The following ERC2 variants were observed in gnomAD, a reference collection of about 807,000 sequenced individuals.
The protein encoded by ERC2 is ELKS/RAB6-interacting/CAST family member 2.
A neutral mutation model predicts 114.8 loss-of-function variants in ERC2; 42 were observed. That is an observed-to-expected ratio of 0.37 (90% CI 0.29 to 0.47). ERC2 has a LOEUF of 0.47. Among genes scored for constraint, ERC2 ranks in the 20% least tolerant of loss-of-function variants. The pLI is 0.99. For synonymous variants in ERC2, 454 were observed against 425.5 expected (o/e 1.07, Z -0.82); for missense variants, 939 against 1,150.7 (o/e 0.82, Z 2.66).
intron 3 of ERC2, among the ~76,000 whole-genome samples, chr3:56,272,990 T>C (rs780029053): frequency 6.6e-6 from 1 of 152,166 alleles, no homozygotes; most frequent in Non-Finnish European, 1.5e-5. Flanking sequence ...GCAATAACCA[T>C]GTTAACCACT....
chr3:56,297,392 T>C (rs925838396), intron 2 of ERC2, among the ~76,000 whole-genome samples: 4 of 152,152 alleles, frequency 2.6e-5, no homozygotes, highest in African/African-American at 2.4e-5. Context: ...CAGAAAGTCT[T>C]GAAAGTATTA....
intron 13 of ERC2, among the ~76,000 whole-genome samples, chr3:55,928,079 A>G (rs1164458304): frequency 6.6e-6 from 1 of 152,142 alleles, no homozygotes. Context: ...AGTAGTGTAG[A>G]TATCTCTTTG....
Position 55,727,366 on chromosome 3 carries a change from G to A in ERC2, c.2712+7405C>T, listed in dbSNP as rs550992526. Among the ~76,000 whole-genome samples the A allele has an allele frequency of 1.6e-3, 236 of 152,140 alleles. 3 individuals carry two copies. Among genetic ancestry groups the A allele is most frequent in the South Asian group, 0.015 (72 of 4,806 alleles). ...AAAGAAGCGAAGTAAAAGTATCAGA[G>A]GTATGTGCCTGTAAAGAAACAGAAG... On this transcript the variant is annotated intron_variant, in intron 15 of 17. Coordinates refer to ENST00000288221, the MANE Select transcript of ERC2 (RefSeq NM_015576.3).
chr3:56,168,759 C>T (rs1341484890), intron 4 of ERC2, among the ~76,000 whole-genome samples: 1 of 152,204 alleles, frequency 6.6e-6, no homozygotes, highest in South Asian at 2.1e-4. Context: ...AACCCAGCTG[C>T]AGGTCAGCTC....
chr3:56,196,469 C>A (rs996422405), intron 3 of ERC2, among the ~76,000 whole-genome samples: 1 of 150,534 alleles, frequency 6.6e-6, no homozygotes, highest in Non-Finnish European at 1.5e-5. Context: ...TGCTGAGTCA[C>A]AGGACAGATG....
chr3:55,575,037 G>A (rs1275624333), intron 17 of ERC2, among the ~76,000 whole-genome samples: 3 of 152,034 alleles, frequency 2.0e-5, no homozygotes, highest in Non-Finnish European at 2.9e-5. Context: ...TTTCTGAGAC[G>A]GAATGTTGCC....
intron 12 of ERC2, among the ~76,000 whole-genome samples, chr3:55,956,212 A>G (rs1408150602): frequency 1.3e-5 from 2 of 152,210 alleles, no homozygotes; most frequent in African/African-American, 4.8e-5. Context: ...TATGTCACAC[A>G]TTTAGCTCCC....
chr3:55,673,804 GTTTTT>G (rs10575865), intron 17 of ERC2, among the ~76,000 whole-genome samples: 1 of 113,782 alleles, frequency 8.8e-6, no homozygotes. Context: ...TAATTACCAA[GTTTTT>G]TTTTTTTTTT....
chr3:56,061,794 A>G (rs1177016322), intron 7 of ERC2, among the ~76,000 whole-genome samples: 2 of 152,236 alleles, frequency 1.3e-5, no homozygotes, highest in Non-Finnish European at 2.9e-5. Context: ...CTGTAAACAG[A>G]AGAAATACAT....
chr3:55,699,564 CAA>C (rs2063117051), intron 15 of ERC2, 52 bp from the exon 16 acceptor site: 1 of 1,554,606 alleles, frequency 6.4e-7, no homozygotes, highest in South Asian at 1.2e-5. Context: ...GAAGATCAGT[CAA>C]AGAGATTCAG....
At chr3:56,335,702 A>C (rs1397260690) in intron 2 of ERC2, among the ~76,000 whole-genome samples, 1 of 152,218 alleles carries the variant, frequency 6.6e-6, no homozygotes, top group African/African-American at 2.4e-5. Context: ...CAGACCAAAA[A>C]AGCCATTTAA....
intron 14 of ERC2, among the ~76,000 whole-genome samples, chr3:55,843,827 C>G (rs1575810626): frequency 6.6e-6 from 1 of 152,310 alleles, no homozygotes; most frequent in Non-Finnish European, 1.5e-5. Context: ...TTAGCTCTCT[C>G]CTCCCAATTT....
intron 15 of ERC2, among the ~76,000 whole-genome samples, chr3:55,713,219 T>A (rs938906789): frequency 4.7e-5 from 7 of 150,458 alleles, no homozygotes; most frequent in East Asian, 2.0e-4. Context: ...TAAAAAAAAA[T>A]TTTTTTTTGA....
intron 17 of ERC2, among the ~76,000 whole-genome samples, chr3:55,568,291 G>T (rs935112168): frequency 6.6e-6 from 1 of 152,146 alleles, no homozygotes; most frequent in Non-Finnish European, 1.5e-5. Context: ...TCATTGCCCT[G>T]GTTCAACTTG....
chr3:55,743,719 G>A (rs957695630), intron 14 of ERC2, among the ~76,000 whole-genome samples: 2 of 152,054 alleles, frequency 1.3e-5, no homozygotes, highest in Non-Finnish European at 2.9e-5. Flanking sequence ...TTTAAGAGGA[G>A]GAGGTACTGA....
intron 14 of ERC2, among the ~76,000 whole-genome samples, chr3:55,808,292 C>T (rs763213483): frequency 6.6e-5 from 10 of 152,222 alleles, no homozygotes; most frequent in East Asian, 1.9e-4. Flanking sequence ...AACTCAATGA[C>T]GGCGTTAATT....
intron 8 of ERC2, among the ~76,000 whole-genome samples, chr3:56,013,569 C>T (rs1477181349): frequency 3.9e-5 from 6 of 152,226 alleles, no homozygotes; most frequent in East Asian, 3.9e-4. Context: ...CTTCCAGGAG[C>T]GGTGGGTTGA....
intron 6 of ERC2, among the ~76,000 whole-genome samples, chr3:56,089,949 T>C (rs1360888479): frequency 1.3e-5 from 2 of 152,158 alleles, no homozygotes; most frequent in Non-Finnish European, 2.9e-5. Context: ...ATGTACTACA[T>C]AGAGGCCAGG....
At chr3:56,211,032 G>C (rs780273502) in intron 3 of ERC2, among the ~76,000 whole-genome samples, 1 of 152,082 alleles carries the variant, frequency 6.6e-6, no homozygotes, top group Non-Finnish European at 1.5e-5. Context: ...GACTTCCAAA[G>C]CTAAACCCTA....
Sources: allele counts gnomAD v4.1 joint callset (sites outside exome capture counted in the v4.1 genomes callset), GRCh38; gene constraint gnomAD v4.1.1; transcripts MANE v1.5; gene names NCBI Gene and HGNC (gene_info 2026-07-23, HGNC 2026-07-21).